PRKAA2: variants seen among roughly 807,000 people sequenced by gnomAD.
PRKAA2 encodes protein kinase AMP-activated catalytic subunit alpha 2.
A neutral mutation model predicts 56.3 loss-of-function variants in PRKAA2; 40 were observed. The ratio of observed to expected loss-of-function variants is 0.71; its 90% CI spans 0.55 to 0.92. PRKAA2 has a LOEUF of 0.92. Ranked by LOEUF, PRKAA2 falls within the 40% of genes least tolerant of loss-of-function variation. The probability of loss-of-function intolerance (pLI) is 0.00; values close to 1 mark genes in which losing one functional copy is unlikely to be tolerated. For synonymous variants in PRKAA2, 214 were observed against 234.2 expected, an observed-to-expected ratio of 0.91 and a Z score of 0.79; for missense variants, 542 against 686.9, an observed-to-expected ratio of 0.79 and a Z score of 2.36.
At chr1:56,663,943 TA>T (rs1469973754) in intron 1 of PRKAA2, among the ~76,000 whole-genome samples, 1 of 152,020 alleles carries the variant, frequency 6.6e-6, no homozygotes, top group East Asian at 1.9e-4. Context: ...CTACAAAAAA[TA>T]AAAAATTAGC....
intron 1 of PRKAA2, among the ~76,000 whole-genome samples, chr1:56,661,036 C>T (rs2746348): frequency 0.54 from 82,080 of 151,690 alleles, 22,661 homozygotes; most frequent in East Asian, 0.73. Flanking sequence ...TGGTAGGGGT[C>T]GGAACATATG....
chr1:56,664,887 CACACATAT>C (rs1416497837), intron 1 of PRKAA2, among the ~76,000 whole-genome samples: 2 of 143,596 alleles, frequency 1.4e-5, no homozygotes, highest in African/African-American at 5.5e-5. Context: ...CACACACACA[CACACATAT>C]ATACATACAT....
intron 2 of PRKAA2, among the ~76,000 whole-genome samples, chr1:56,677,538 C>T (rs1371946304): frequency 6.6e-6 from 1 of 152,150 alleles, no homozygotes; most frequent in African/African-American, 2.4e-5. Flanking sequence ...GAAATTTTAC[C>T]CGTTTGGGTA....
intron 2 of PRKAA2, among the ~76,000 whole-genome samples, chr1:56,689,322 A>G (rs939358684): frequency 6.6e-6 from 1 of 152,222 alleles, no homozygotes; most frequent in Non-Finnish European, 1.5e-5. Flanking sequence ...TCCAAAGTTC[A>G]TTTGAAATAG....
intron 1 of PRKAA2, among the ~76,000 whole-genome samples, chr1:56,661,836 A>G (rs1643996704): frequency 6.6e-6 from 1 of 152,018 alleles, no homozygotes; most frequent in Non-Finnish European, 1.5e-5. Flanking sequence ...GAGATGCAAT[A>G]CTTTTGAATC....
chr1:56,666,019 A>G (rs1221117741), intron 1 of PRKAA2, among the ~76,000 whole-genome samples: 1 of 152,164 alleles, frequency 6.6e-6, no homozygotes, highest in African/African-American at 2.4e-5. Flanking sequence ...TATAGATAAT[A>G]ACTCTCTTTT....
At chr1:56,701,034 AG>A (rs1214195041) in intron 6 of PRKAA2, among the ~76,000 whole-genome samples, 1 of 152,114 alleles carries the variant, frequency 6.6e-6, no homozygotes, top group East Asian at 1.9e-4. Context: ...GTTAATTTCC[AG>A]GGTTCTGAAA....
intron 2 of PRKAA2, among the ~76,000 whole-genome samples, chr1:56,686,652 C>A (rs1348175396): frequency 6.6e-6 from 1 of 151,998 alleles, no homozygotes; most frequent in Non-Finnish European, 1.5e-5. Flanking sequence ...CTCCTTTAAA[C>A]AACCAGCTCT....
Position 56,710,636 on chromosome 1 carries a change from GT to G in PRKAA2, c.*2925del, listed in dbSNP as rs1236273795. ...TTACTTTGTTTTAACTTGCAGACAT[GT>G]TCATCGTGAGTGAATGCTGGATTAA... On this transcript the variant is annotated 3_prime_UTR_variant, in exon 9 of 9. Transcript: ENST00000371244. 1.3e-5 allele frequency: 2 copies of G among 152,116 alleles called. No individual in the cohort carries two copies. The highest frequency in any genetic ancestry group is 4.8e-5 in the African/African-American group (2 of 41,442). The allele number at this position is 152,116 out of a possible 1,614,324, so 9.4% of individuals were successfully genotyped here. A position where few individuals can be genotyped will look rare whatever the true frequency, so the allele number is the denominator to read the frequency against.
intron 7 of PRKAA2, among the ~76,000 whole-genome samples, chr1:56,705,148 A>G (rs1644323117): frequency 6.6e-6 from 1 of 152,178 alleles, no homozygotes; most frequent in Non-Finnish European, 1.5e-5. Context: ...GGAAGAAGAA[A>G]AATGTGCAAA....
rs1327443948 is a variant in PRKAA2 at position 56,703,976 on chromosome 1, A to G, written c.794A>G (p.His265Arg). ...TATTGTGGTGTTTTTCCTAGAGAGC[A>G]TGAATGGTTTAAACAAGATTTGCCC... ...KRATIKDIRE[H>R]EWFKQDLPSY... The change falls in exon 7 of 9, where the codon CAT becomes CGT. Residue 265 changes from histidine to arginine, a missense_variant. By Grantham distance (29) the His-to-Arg change is conservative. Around this residue, in one of 5 missense-constraint regions of PRKAA2, gnomAD observed 198 missense variants for 234.0 expected, o/e 0.85. Coordinates refer to ENST00000371244, the MANE Select transcript of PRKAA2 (RefSeq NM_006252.4). 5 of 1,603,160 alleles carry G rather than the reference A, an allele frequency of 3.1e-6. No individual in the cohort carries two copies. The South Asian group carries it at 4.5e-5, about 15-fold the overall frequency.
intron 1 of PRKAA2, among the ~76,000 whole-genome samples, chr1:56,657,449 G>A (rs1414293468): frequency 2.6e-5 from 4 of 152,148 alleles, no homozygotes; most frequent in African/African-American, 7.2e-5. Context: ...AGGCCAAGGC[G>A]GGGATCACCT....
At chr1:56,666,615 T>G (rs1298870425) in intron 1 of PRKAA2, among the ~76,000 whole-genome samples, 2 of 152,192 alleles carry the variant, frequency 1.3e-5, no homozygotes, top group Non-Finnish European at 2.9e-5. Flanking sequence ...ATGCTTATCA[T>G]AAACTGGGCA....
chr1:56,695,642 C>A (rs1644254407), intron 5 of PRKAA2, among the ~76,000 whole-genome samples: 1 of 151,852 alleles, frequency 6.6e-6, no homozygotes, highest in Non-Finnish European at 1.5e-5. Context: ...ACTTTGTTTC[C>A]CTCAAAAATC....
rs1053162231 is a variant in PRKAA2 at position 56,714,714 on chromosome 1, G to T, written c.*7001G>T. 1.2e-4 allele frequency: 18 copies of T among 152,106 alleles called. No individual in the cohort carries two copies. The highest frequency in any genetic ancestry group is 4.3e-4 in the African/African-American group (18 of 41,424). 9.4% of individuals were successfully genotyped at this position (152,106 alleles called of 1,614,324 possible). A position where few individuals can be genotyped will look rare whatever the true frequency, so the allele number is the denominator to read the frequency against. On this transcript the variant is annotated 3_prime_UTR_variant, in exon 9 of 9. Coordinates refer to ENST00000371244, the MANE Select transcript of PRKAA2 (RefSeq NM_006252.4). ...TTGTTGTAGAACTGTGAACTCTAAG[G>T]ATAGTATCTTTATTGTTTTAGGAAG...
At chr1:56,701,605 A>G (rs1235696669) in intron 6 of PRKAA2, among the ~76,000 whole-genome samples, 1 of 152,138 alleles carries the variant, frequency 6.6e-6, no homozygotes, top group Non-Finnish European at 1.5e-5. Context: ...TCACTATTTC[A>G]AGAAGTTGTC....
At position 56,694,883 on chromosome 1, in the gene PRKAA2, A is replaced by T. The variant is rs187743510; in HGVS notation, c.563+1031A>T. Among the ~76,000 whole-genome samples the T allele has an allele frequency of 5.0e-4, 76 of 152,194 alleles. 2 individuals are homozygous for T. The East Asian group carries it at 0.014, about 27-fold the overall frequency. On this transcript the variant is annotated intron_variant, in intron 5 of 8. Coordinates refer to ENST00000371244, the MANE Select transcript of PRKAA2 (RefSeq NM_006252.4). ...CAATCACCATTTTTTATATAAACAG[A>T]TTATATTCTTTTCATTAGAATAGTA...
At chr1:56,703,877 C>A in intron 6 of PRKAA2, 94 bp from the exon 7 acceptor site, 1 of 1,383,626 alleles carries the variant, frequency 7.2e-7, no homozygotes, top group Non-Finnish European at 9.8e-7. Context: ...GAGACCAGAT[C>A]TTTTGATTAT....
intron 2 of PRKAA2, among the ~76,000 whole-genome samples, chr1:56,681,303 G>A (rs1260453099): frequency 2.0e-5 from 3 of 152,122 alleles, no homozygotes; most frequent in Non-Finnish European, 4.4e-5. Context: ...CCATTCTGTA[G>A]GTTGCCTATT....
Sources: gnomAD v4.1 joint callset for allele counts (sites outside exome capture counted in the v4.1 genomes callset) on GRCh38, gnomAD v4.1.1 for gene constraint, gnomAD v4.1.1 regional missense constraint, MANE v1.5 for transcripts, NCBI Gene and HGNC (gene_info 2026-07-23, HGNC 2026-07-21) for gene names.